The following NTM variants were observed in gnomAD, a reference collection of about 807,000 sequenced individuals.
The protein encoded by NTM is IgLON family member 2.
NTM carries 13 observed loss-of-function variants against 42.1 expected under a neutral mutation model. The observed-to-expected ratio is 0.31, with a 90% CI of 0.20 to 0.49. The LOEUF (loss-of-function observed/expected upper bound fraction) is 0.49, where lower values mean the gene tolerates loss of function less well. Among genes scored for constraint, NTM ranks in the 20% least tolerant of loss-of-function variants. The pLI is 0.99. For missense variants in NTM, 373 were observed against 452.8 expected (o/e 0.82, Z 1.60); for synonymous variants, 187 against 179.2 (o/e 1.04, Z -0.35).
chr11:131,958,020 TA>T (rs1324267482), intron 2 of NTM, among the ~76,000 whole-genome samples: 3 of 151,920 alleles, frequency 2.0e-5, no homozygotes, highest in East Asian at 1.9e-4. Context: ...ATTGGTGCCA[TA>T]AAAAAAATGC....
At chr11:131,779,540 C>T (rs1460617305) in intron 1 of NTM, among the ~76,000 whole-genome samples, 4 of 151,978 alleles carry the variant, frequency 2.6e-5, no homozygotes, top group Non-Finnish European at 4.4e-5. Context: ...GTTTATTTTT[C>T]GTAGACTAGT....
At chr11:131,948,587 T>G (rs2134315079) in intron 2 of NTM, among the ~76,000 whole-genome samples, 1 of 152,276 alleles carries the variant, frequency 6.6e-6, no homozygotes, top group South Asian at 2.1e-4. Context: ...AAAATCAGTG[T>G]GTCCGGTTCA....
chr11:131,844,887 T>C (rs1030900317), intron 1 of NTM, among the ~76,000 whole-genome samples: 5 of 152,240 alleles, frequency 3.3e-5, no homozygotes, highest in African/African-American at 1.2e-4. Context: ...CCTACATAGA[T>C]AATCATATCA....
intron 2 of NTM, among the ~76,000 whole-genome samples, chr11:132,142,131 G>C (rs958344253): frequency 3.3e-5 from 5 of 152,180 alleles, no homozygotes; most frequent in Non-Finnish European, 5.9e-5. Context: ...TGGACGAAAG[G>C]GGAGAGGCTT....
chr11:131,824,637 G>A (rs1198859583), intron 1 of NTM, among the ~76,000 whole-genome samples: 1 of 152,164 alleles, frequency 6.6e-6, no homozygotes, highest in Non-Finnish European at 1.5e-5. Context: ...TTTCTAGCCT[G>A]TATTGTGACA....
chr11:132,140,961 A>G (rs2068983347), intron 2 of NTM: 1 of 152,228 alleles, frequency 6.6e-6, no homozygotes, highest in African/African-American at 2.4e-5. Context: ...GGCTTCAAGC[A>G]TTGCTTGAGA....
At chr11:131,684,986 A>G (rs1228968331) in intron 1 of NTM, among the ~76,000 whole-genome samples, 1 of 152,222 alleles carries the variant, frequency 6.6e-6, no homozygotes, top group East Asian at 1.9e-4. Flanking sequence ...GCCCAGAAGG[A>G]AGACCCACTC....
At chr11:132,268,666 CTCTCTGTGTGTG>C (rs1419839676) in intron 4 of NTM, among the ~76,000 whole-genome samples, 1 of 87,972 alleles carries the variant, frequency 1.1e-5, no homozygotes, top group African/African-American at 4.2e-5. Flanking sequence ...TCCTCTCTCT[CTCTCTGTGTGTG>C]TGTGTGTGTG....
chr11:131,880,473 C>T (rs2049288587), intron 1 of NTM, among the ~76,000 whole-genome samples: 1 of 152,218 alleles, frequency 6.6e-6, no homozygotes. Flanking sequence ...GGAGCACTAG[C>T]TTAAAGCTGA....
At position 132,082,432 on chromosome 11, in the gene NTM, C is replaced by A. The variant is rs374188182; in HGVS notation, c.168-63850C>A. Among the ~76,000 whole-genome samples the A allele has an allele frequency of 4.6e-5, 7 of 152,264 alleles. 1 individual carries two copies. The East Asian group carries it at 1.2e-3, about 25-fold the overall frequency. On this transcript the variant is annotated intron_variant, in intron 2 of 8. Transcript: ENST00000683400. ...TCCTGGTGGCTCCACTCCATTCCCCCGGTATGCATGCAGGTCCTTAGTCTT... is the reference window on the plus strand; with the variant it reads ...TCCTGGTGGCTCCACTCCATTCCCCAGGTATGCATGCAGGTCCTTAGTCTT...
At chr11:131,945,958 C>T (rs1017885255) in intron 2 of NTM, among the ~76,000 whole-genome samples, 1 of 152,152 alleles carries the variant, frequency 6.6e-6, no homozygotes, top group Non-Finnish European at 1.5e-5. Context: ...TGGTCCGTAG[C>T]AGGGTGCAGG....
chr11:132,168,941 C>T (rs536146860), intron 3 of NTM, among the ~76,000 whole-genome samples: 1 of 152,244 alleles, frequency 6.6e-6, no homozygotes, highest in South Asian at 2.1e-4. Flanking sequence ...GGTTGTAGTG[C>T]AAGGAAGGAC....
intron 1 of NTM, among the ~76,000 whole-genome samples, chr11:131,691,176 C>T (rs1448341633): frequency 2.0e-5 from 3 of 152,182 alleles, no homozygotes; most frequent in Non-Finnish European, 4.4e-5. Flanking sequence ...AGGCCACCCC[C>T]GGCCCTGCAC....
intron 1 of NTM, among the ~76,000 whole-genome samples, chr11:131,528,612 G>A (rs2050819482): frequency 6.6e-6 from 1 of 152,194 alleles, no homozygotes; most frequent in Non-Finnish European, 1.5e-5. Flanking sequence ...TTAAGGCATG[G>A]ATTCTGTTTC....
intron 2 of NTM, among the ~76,000 whole-genome samples, chr11:132,059,151 C>A (rs959946475): frequency 2.9e-4 from 44 of 152,336 alleles, no homozygotes; most frequent in African/African-American, 1.1e-3. Context: ...TAGAAGCAGC[C>A]TCTGGGCCTC....
chr11:131,913,884 G>C (rs938366634), intron 2 of NTM, among the ~76,000 whole-genome samples: 1 of 152,192 alleles, frequency 6.6e-6, no homozygotes, highest in African/African-American at 2.4e-5. Context: ...GATTAGATGA[G>C]CTAGGGTCTG....
chr11:131,694,268 G>A (rs924396935), intron 1 of NTM, among the ~76,000 whole-genome samples: 1 of 152,218 alleles, frequency 6.6e-6, no homozygotes, highest in East Asian at 1.9e-4. Flanking sequence ...TAATAGTGAT[G>A]ACTTGTTACC....
intron 1 of NTM, chr11:131,660,529 C>T: frequency 2.2e-6 from 1 of 457,616 alleles, no homozygotes; most frequent in Non-Finnish European, 4.4e-6. Flanking sequence ...GACCCTGGGT[C>T]CCATCTCTGT....
At chr11:131,817,483 A>G (rs1247767536) in intron 1 of NTM, among the ~76,000 whole-genome samples, 1 of 152,170 alleles carries the variant, frequency 6.6e-6, no homozygotes, top group Non-Finnish European at 1.5e-5. Context: ...CTGACCTAGA[A>G]GTAGCTTTGA....
Sources: allele counts gnomAD v4.1 joint callset (sites outside exome capture counted in the v4.1 genomes callset), GRCh38; gene constraint gnomAD v4.1.1; transcripts MANE v1.5; gene names NCBI Gene and HGNC (gene_info 2026-07-23, HGNC 2026-07-21).